The following DYTN variants were observed in gnomAD, a reference collection of about 807,000 sequenced individuals.
The protein encoded by DYTN is dystrotelin.
In DYTN, 75 loss-of-function variants were observed where a neutral mutation model predicts 69.6. The ratio of observed to expected loss-of-function variants is 1.08; its 90% confidence interval spans 0.89 to 1.31. The LOEUF is 1.31. DYTN is among the 50% of genes most tolerant of loss of function. DYTN has a pLI of 0.00. For synonymous variants in DYTN, 252 were observed against 249.1 expected (o/e 1.01, Z -0.11); for missense variants, 726 against 688.4 (o/e 1.05, Z -0.61).
In DYTN at chr2:206,693,294, G is replaced by T; in HGVS notation, c.861C>A (p.Leu287=). 6.2e-7 allele frequency: 1 copy of T among 1,613,074 alleles called. No individual in the cohort carries two copies. The highest frequency in any genetic ancestry group is 1.7e-5 in the Admixed American group (1 of 60,020). The part of the protein sequence containing the change: ...QMSAMQNTKL[L]FRTLRNNLLQ... ...GAAGGTTGTTTCTGAGGGTCCTGAA[G>T]AGAAGTTTTGTATTCTGCATTGCTG... Residue 287 remains leucine (L), a synonymous_variant, in exon 9 of 12, where the codon CTC becomes CTA. Transcript: ENST00000452335.
intron 7 of DYTN, among the ~76,000 whole-genome samples, chr2:206,699,355 C>T (rs1238027172): frequency 6.6e-6 from 1 of 152,154 alleles, no homozygotes; most frequent in East Asian, 1.9e-4. Flanking sequence ...ATGACTTCAG[C>T]TTAGGGGTTT....
chr2:206,716,195 T>A (rs1700129001), intron 1 of DYTN, among the ~76,000 whole-genome samples: 1 of 152,190 alleles, frequency 6.6e-6, no homozygotes. Flanking sequence ...TAGGAAATGA[T>A]GTTTCTTGCC....
intron 10 of DYTN, among the ~76,000 whole-genome samples, chr2:206,665,521 T>C (rs1479198310): frequency 6.6e-6 from 1 of 152,054 alleles, no homozygotes; most frequent in Non-Finnish European, 1.5e-5. Flanking sequence ...CAGATATTGA[T>C]GCAAAAAGAT....
At position 206,704,911 on chromosome 2, in the gene DYTN, C is replaced by T. The variant is rs560966818; in HGVS notation, c.415G>A (p.Gly139Arg). The change falls in exon 5 of 12, where the codon GGA becomes AGA. Residue 139 changes from glycine to arginine, a missense_variant. Gly to Arg is a moderately radical substitution (Grantham distance 125). Transcript: ENST00000452335. ...ATGCGTGGCCCAGAATCATAGCCTC[C>T]CCTGCTATTTTCTGCATAGAGTTGA... ...LFQLYAENSR[G>R]GYDSGPRMTR... 7 of 1,613,794 alleles carry T rather than the reference C, an allele frequency of 4.3e-6. No individual in the cohort carries two copies. The highest frequency in any genetic ancestry group is 5.9e-6 in the Non-Finnish European group (7 of 1,179,808).
chr2:206,702,295 A>G (rs956323239), intron 5 of DYTN, among the ~76,000 whole-genome samples: 4 of 152,218 alleles, frequency 2.6e-5, no homozygotes, highest in Admixed American at 2.6e-4. Context: ...TTCACATCTG[A>G]TGTCTTCTAC....
chr2:206,652,039 G>T, intron 11 of DYTN, 118 bp from the exon 12 acceptor site: 1 of 880,354 alleles, frequency 1.1e-6, no homozygotes. Context: ...AGTTCTCAAG[G>T]ACAATGTCCT....
intron 7 of DYTN, 61 bp from the exon 8 acceptor site, chr2:206,694,938 A>AAG: frequency 1.6e-6 from 2 of 1,226,930 alleles, no homozygotes; most frequent in Non-Finnish European, 2.2e-6. Flanking sequence ...AAAAAAAAAA[A>AAG]GAATATCCAG....
intron 9 of DYTN, among the ~76,000 whole-genome samples, chr2:206,684,674 A>G (rs1699786378): frequency 6.6e-6 from 1 of 152,058 alleles, no homozygotes; most frequent in Non-Finnish European, 1.5e-5. Context: ...TCTAAGGGCC[A>G]TTTGCAACTC....
At chr2:206,714,426 T>A (rs1700108742) in intron 1 of DYTN, among the ~76,000 whole-genome samples, 1 of 152,164 alleles carries the variant, frequency 6.6e-6, no homozygotes, top group Non-Finnish European at 1.5e-5. Context: ...ATGGTCTCGA[T>A]CTCCTGACCT....
intron 11 of DYTN, among the ~76,000 whole-genome samples, chr2:206,654,401 T>C (rs992166874): frequency 1.3e-5 from 2 of 152,212 alleles, no homozygotes; most frequent in Non-Finnish European, 2.9e-5. Flanking sequence ...TAATGAATAG[T>C]AAATATATTT....
At chr2:206,694,702 T>C in intron 8 of DYTN, 64 bp downstream of exon 8, 2 of 1,348,002 alleles carry the variant, frequency 1.5e-6, no homozygotes, top group East Asian at 4.9e-5. Flanking sequence ...GGAAGGTTTT[T>C]TCATGGCTAT....
At chr2:206,689,059 G>A (rs1406215662) in intron 9 of DYTN, among the ~76,000 whole-genome samples, 1 of 152,150 alleles carries the variant, frequency 6.6e-6, no homozygotes, top group Non-Finnish European at 1.5e-5. Flanking sequence ...AATTCTGTCT[G>A]TTATTTTTCT....
intron 1 of DYTN, among the ~76,000 whole-genome samples, chr2:206,711,547 C>T (rs1317383162): frequency 7.0e-6 from 1 of 142,478 alleles, no homozygotes; most frequent in Non-Finnish European, 1.6e-5. Flanking sequence ...GTTTCTCTTA[C>T]CTTTCTTTTT....
At chr2:206,660,488 A>G (rs1699499926) in intron 11 of DYTN, among the ~76,000 whole-genome samples, 1 of 152,252 alleles carries the variant, frequency 6.6e-6, no homozygotes, top group South Asian at 2.1e-4. Context: ...GCTCATTTAG[A>G]GAAACAAAAA....
At chr2:206,704,340 TG>T (rs1423853167) in intron 5 of DYTN, among the ~76,000 whole-genome samples, 2 of 152,186 alleles carry the variant, frequency 1.3e-5, no homozygotes, top group Non-Finnish European at 2.9e-5. Flanking sequence ...AATGGCCTTG[TG>T]GGTAGATAGA....
intron 1 of DYTN, among the ~76,000 whole-genome samples, chr2:206,716,053 A>C (rs534425800): frequency 4.3e-4 from 65 of 152,274 alleles, no homozygotes; most frequent in Non-Finnish European, 6.9e-4. Context: ...GCGCTACTGC[A>C]CTCCAGCCTG....
chr2:206,687,549 C>T (rs532917066), intron 9 of DYTN, among the ~76,000 whole-genome samples: 97 of 152,196 alleles, frequency 6.4e-4, no homozygotes, highest in African/African-American at 2.3e-3. Context: ...AAATTACATG[C>T]TATCATATAT....
At chr2:206,710,464 A>C in intron 2 of DYTN, 60 bp downstream of exon 2, 1 of 1,505,024 alleles carries the variant, frequency 6.6e-7, no homozygotes, top group Middle Eastern at 1.7e-4. Flanking sequence ...TTCTCTATGA[A>C]TTTTACATCG....
At chr2:206,685,866 C>T (rs2105895200) in intron 9 of DYTN, among the ~76,000 whole-genome samples, 1 of 152,158 alleles carries the variant, frequency 6.6e-6, no homozygotes, top group Admixed American at 6.5e-5. Flanking sequence ...CAGAAACACT[C>T]CAGCACCAGC....
Sources: allele counts gnomAD v4.1 joint callset (sites outside exome capture counted in the v4.1 genomes callset), GRCh38; gene constraint gnomAD v4.1.1; transcripts MANE v1.5; gene names NCBI Gene and HGNC (gene_info 2026-07-23, HGNC 2026-07-21).